Variants in CDH1 observed in about 807,000 individuals in gnomAD.
CDH1 encodes cadherin 1, also known as cadherin-1.
A neutral mutation model predicts 84.5 loss-of-function variants in CDH1; 35 were observed. The ratio of observed to expected loss-of-function variants is 0.41; its 90% CI spans 0.32 to 0.55. The LOEUF (loss-of-function observed/expected upper bound fraction) is 0.55. CDH1 is among the 20% of genes least tolerant of loss of function. CDH1 has a pLI of 0.19. For synonymous variants in CDH1, 417 were observed against 439.0 expected (o/e 0.95, Z 0.63); for missense variants, 994 against 1,126.6 (o/e 0.88, Z 1.68).
chr16:68,799,388 T>A (rs1567500059), intron 2 of CDH1, among the ~76,000 whole-genome samples: 1 of 152,210 alleles, frequency 6.6e-6, no homozygotes, highest in Admixed American at 6.5e-5. Flanking sequence ...ACTCTTTGAA[T>A]GACACAGCTC....
chr16:68,787,344 G>A (rs1567494641), intron 2 of CDH1, among the ~76,000 whole-genome samples: 1 of 152,130 alleles, frequency 6.6e-6, no homozygotes, highest in Admixed American at 6.5e-5. Flanking sequence ...AATGACTTAA[G>A]CCTTTCGCCT....
chr16:68,827,142 G>A (rs1961342329), intron 13 of CDH1, among the ~76,000 whole-genome samples: 2 of 152,042 alleles, frequency 1.3e-5, no homozygotes, highest in African/African-American at 4.8e-5. Flanking sequence ...ATGGTGGCAG[G>A]TGCTTGTAGT....
intron 15 of CDH1, 149 bp downstream of exon 15, chr16:68,829,946 TTTTTTTCTTTTTC>T (rs1419651905): frequency 3.8e-5 from 27 of 717,028 alleles, no homozygotes; most frequent in East Asian, 2.5e-4. Flanking sequence ...CCTTTTTCTT[TTTTTTTCTTTTTC>T]TTTTTTTTTT....
chr16:68,753,968 A>G (rs1486974785), intron 2 of CDH1, among the ~76,000 whole-genome samples: 1 of 151,696 alleles, frequency 6.6e-6, no homozygotes, highest in Non-Finnish European at 1.5e-5. Flanking sequence ...TACAAAAAAA[A>G]ATTGGCCAGG....
intron 12 of CDH1, chr16:68,823,116 C>T (rs540272258): frequency 5.8e-5 from 24 of 413,212 alleles, no homozygotes; most frequent in South Asian, 2.9e-4. Flanking sequence ...CCGAACCCAG[C>T]GACATCTGAA....
chr16:68,806,265 C>T (rs1156922050), intron 3 of CDH1, among the ~76,000 whole-genome samples: 2 of 152,014 alleles, frequency 1.3e-5, no homozygotes, highest in Non-Finnish European at 2.9e-5. Flanking sequence ...AATTCTCACG[C>T]CTCAGCCTCC....
At position 68,834,784 on chromosome 16, in the gene CDH1, T is replaced by C. The variant is rs369689471; in HGVS notation, c.*1285T>C. 13 of 231,898 alleles carry C rather than the reference T, an allele frequency of 5.6e-5. No homozygotes were observed. Among genetic ancestry groups the C allele is most frequent in the East Asian group, 4.3e-4 (7 of 16,454 alleles). 14.4% of individuals were successfully genotyped at this position (231,898 alleles called of 1,614,324 possible). A position where few individuals can be genotyped will look rare whatever the true frequency, so the allele number is the denominator to read the frequency against. ...TGTTTATTTAGCTCTGAAGCAAGAG[T>C]GATATACTCCAGGACTTAGAATAGT... On this transcript the variant is annotated 3_prime_UTR_variant, in exon 16 of 16. Coordinates refer to ENST00000261769, the MANE Select transcript of CDH1 (RefSeq NM_004360.5).
In CDH1 at chr16:68,811,705, C is replaced by T. The variant is rs587781634; in HGVS notation, c.854C>T (p.Thr285Ile). 2.7e-5 allele frequency: 44 copies of T among 1,613,926 alleles called. No homozygotes were observed. The highest frequency in any genetic ancestry group is 1.7e-4 in the Admixed American group (10 of 59,980). ...ALPGTSVMEVTATDADDDVNT... is the reference protein window; with the variant it reads ...ALPGTSVMEVIATDADDDVNT... ...CCAGGAACCTCTGTGATGGAGGTCA[C>T]AGCCACAGACGCGGACGATGATGTG... The change falls in exon 7 of 16, where the codon ACA (threonine) becomes ATA (isoleucine). Residue 285 changes from threonine to isoleucine, a missense_variant. Around this residue, in one of 3 missense-constraint regions of CDH1, gnomAD observed 769 missense variants for 881.8 expected, o/e 0.87. Coordinates refer to ENST00000261769, the MANE Select transcript of CDH1 (RefSeq NM_004360.5).
At chr16:68,741,492 A>C (rs1169232024) in intron 2 of CDH1, among the ~76,000 whole-genome samples, 1 of 152,126 alleles carries the variant, frequency 6.6e-6, no homozygotes, top group Admixed American at 6.6e-5. Context: ...GAAACCTGTC[A>C]CTTTTTGTGC....
chr16:68,813,344 ACGT>A lies in CDH1; in HGVS notation c.1173_1175del (p.Val392del), dbSNP rs1555515872. The A allele has an allele frequency of 6.2e-7, 1 of 1,614,166 alleles. No homozygotes were observed. The highest frequency in any genetic ancestry group is 8.5e-7 in the Non-Finnish European group (1 of 1,180,020). ...GGTCAGGTGCCTGAGAACGAGGCTA[ACGT>A]CGTAATCACCACACTGAAAGTGACT... On this transcript the variant is annotated inframe_deletion, in exon 9 of 16. Transcript: ENST00000261769.
At chr16:68,766,946 C>T (rs13330350) in intron 2 of CDH1, among the ~76,000 whole-genome samples, 44,900 of 151,484 alleles carry the variant, frequency 0.3, 6,704 homozygotes, top group Middle Eastern at 0.34. Context: ...AGGCTAACCT[C>T]GAACTCCTGA....
intron 2 of CDH1, among the ~76,000 whole-genome samples, chr16:68,746,904 G>A (rs1410856806): frequency 1.1e-4 from 17 of 152,090 alleles, no homozygotes; most frequent in Admixed American, 1.1e-3. Context: ...AGCGGAGATT[G>A]TGCCATTGCA....
At chr16:68,758,761 C>T (rs1963085370) in intron 2 of CDH1, among the ~76,000 whole-genome samples, 1 of 151,724 alleles carries the variant, frequency 6.6e-6, no homozygotes, top group African/African-American at 2.4e-5. Flanking sequence ...TGCTCTTGAC[C>T]TCCTAAAGAA....
At chr16:68,744,097 A>G (rs906804554) in intron 2 of CDH1, among the ~76,000 whole-genome samples, 1 of 152,230 alleles carries the variant, frequency 6.6e-6, no homozygotes, top group Non-Finnish European at 1.5e-5. Context: ...TCTCAATGTT[A>G]TTTTGAGCAA....
At chr16:68,800,632 G>A (rs970996951) in intron 2 of CDH1, among the ~76,000 whole-genome samples, 3 of 152,144 alleles carry the variant, frequency 2.0e-5, no homozygotes, top group Non-Finnish European at 2.9e-5. Context: ...AGGAAAACAG[G>A]CCAAGCTGAG....
intron 2 of CDH1, among the ~76,000 whole-genome samples, chr16:68,746,638 C>T (rs1406275512): frequency 3.9e-5 from 6 of 152,004 alleles, no homozygotes; most frequent in Non-Finnish European, 8.8e-5. Context: ...ATTGAGAACT[C>T]TATGGATGCA....
intron 2 of CDH1, among the ~76,000 whole-genome samples, chr16:68,744,059 G>T (rs1962661128): frequency 2.0e-5 from 3 of 152,240 alleles, no homozygotes; most frequent in Admixed American, 2.0e-4. Flanking sequence ...TTCAACAGTA[G>T]TTGATATTTC....
At chr16:68,755,116 A>G (rs1331386019) in intron 2 of CDH1, among the ~76,000 whole-genome samples, 2 of 151,858 alleles carry the variant, frequency 1.3e-5, no homozygotes, top group African/African-American at 2.4e-5. Flanking sequence ...GCCTCTACAA[A>G]AAATCCAAAA....
intron 13 of CDH1, among the ~76,000 whole-genome samples, chr16:68,824,306 A>G (rs536532752): frequency 1.2e-4 from 18 of 152,162 alleles, no homozygotes; most frequent in African/African-American, 4.3e-4. Flanking sequence ...CAGATTCTAC[A>G]TTTCTAACCA....
Sources: gnomAD v4.1 joint callset for allele counts (sites outside exome capture counted in the v4.1 genomes callset) on GRCh38, gnomAD v4.1.1 for gene constraint, gnomAD v4.1.1 regional missense constraint, MANE v1.5 for transcripts, NCBI Gene and HGNC (gene_info 2026-07-23, HGNC 2026-07-21) for gene names.